Variants in ENPP3 observed in about 807,000 individuals in gnomAD.
The protein encoded by ENPP3 is ectonucleotide pyrophosphatase/phosphodiesterase 3.
ENPP3 carries 104 observed loss-of-function variants against 117.8 expected under a neutral mutation model. The observed-to-expected ratio is 0.88, with a 90% CI of 0.75 to 1.04. The LOEUF (loss-of-function observed/expected upper bound fraction) is 1.04, where lower values mean the gene tolerates loss of function less well. Ranked by LOEUF, ENPP3 falls within the 50% of genes least tolerant of loss-of-function variation. The probability of loss-of-function intolerance (pLI) is 0.00; values close to 1 mark genes in which losing one functional copy is unlikely to be tolerated. For missense variants in ENPP3, 1,026 were observed against 1,051.9 expected (o/e 0.98, Z 0.34); for synonymous variants, 380 against 349.9 (o/e 1.09, Z -0.96).
rs140907797 is a variant in ENPP3, at chr6:131,640,833, G to A, written c.79-622G>A. Among the ~76,000 whole-genome samples the A allele has an allele frequency of 3.1e-3, 472 of 152,192 alleles. 1 individual carries two copies. Among genetic ancestry groups the A allele is most frequent in the African/African-American group, 0.011 (443 of 41,532 alleles). On this transcript the variant is annotated intron_variant, in intron 1 of 24. Coordinates refer to ENST00000357639, the MANE Select transcript of ENPP3 (RefSeq NM_005021.5). ...TTAATCTAATCATAGCATAAAGTTC[G>A]TTACACCAAAGGGCTTTGTCAGCAG... is the stretch of plus-strand genomic sequence containing the variant.
intron 11 of ENPP3, among the ~76,000 whole-genome samples, chr6:131,682,848 A>C (rs541224471): frequency 9.8e-5 from 15 of 152,336 alleles, no homozygotes; most frequent in Non-Finnish European, 1.5e-4. Context: ...TGTAGGAAGT[A>C]TGATTTAGAT....
At chr6:131,743,702 G>C (rs1448916973) in intron 24 of ENPP3, among the ~76,000 whole-genome samples, 1 of 151,990 alleles carries the variant, frequency 6.6e-6, no homozygotes, top group African/African-American at 2.4e-5. Context: ...GTGCATGCCT[G>C]TCATCCCAGC....
At chr6:131,655,485 A>G (rs1169949660) in intron 5 of ENPP3, among the ~76,000 whole-genome samples, 1 of 152,236 alleles carries the variant, frequency 6.6e-6, no homozygotes, top group Non-Finnish European at 1.5e-5. Context: ...TCTGTGGCAT[A>G]ACACTCCCTC....
intron 5 of ENPP3, among the ~76,000 whole-genome samples, chr6:131,654,708 G>T (rs934843522): frequency 1.3e-5 from 2 of 151,978 alleles, no homozygotes; most frequent in African/African-American, 2.4e-5. Context: ...CTCCCAAAGT[G>T]CTGGGATTAC....
chr6:131,735,497 G>A (rs1272557824), intron 21 of ENPP3, among the ~76,000 whole-genome samples: 13 of 152,070 alleles, frequency 8.5e-5, no homozygotes, highest in Admixed American at 8.5e-4. Flanking sequence ...GTGCATGCCT[G>A]TAATCCCACC....
chr6:131,639,263 A>ATTTTT (rs71030752), intron 1 of ENPP3, among the ~76,000 whole-genome samples: 30 of 91,228 alleles, frequency 3.3e-4, no homozygotes, highest in African/African-American at 1.5e-3. Flanking sequence ...ATATATATAT[A>ATTTTT]TATTTTTTTT....
intron 14 of ENPP3, among the ~76,000 whole-genome samples, chr6:131,687,393 C>T (rs1458656365): frequency 1.3e-5 from 2 of 152,034 alleles, no homozygotes; most frequent in Non-Finnish European, 2.9e-5. Context: ...AATATAAGAC[C>T]TCAAACTATA....
chr6:131,688,706 T>A (rs116482542), intron 14 of ENPP3, among the ~76,000 whole-genome samples: 5,120 of 152,176 alleles, frequency 0.034, 271 homozygotes, highest in African/African-American at 0.12. Flanking sequence ...GGTGAGGAAG[T>A]TGCAGAAGAA....
intron 14 of ENPP3, among the ~76,000 whole-genome samples, chr6:131,690,702 G>A (rs935332925): frequency 2.0e-5 from 3 of 151,798 alleles, no homozygotes. Context: ...ATATAATCTG[G>A]GACCCACTGC....
At chr6:131,713,903 T>C (rs1164417114) in intron 15 of ENPP3, among the ~76,000 whole-genome samples, 1 of 150,462 alleles carries the variant, frequency 6.6e-6, no homozygotes, top group African/African-American at 2.4e-5. Context: ...CTCAGCTTCC[T>C]GAAGAGCTGG....
chr6:131,700,723 T>A, intron 15 of ENPP3: 2 of 1,555,580 alleles, frequency 1.3e-6, no homozygotes, highest in Non-Finnish European at 1.7e-6. Flanking sequence ...CTTGATTGGA[T>A]CTGAAGGATA....
At chr6:131,662,230 T>A (rs1308097874) in intron 6 of ENPP3, among the ~76,000 whole-genome samples, 3 of 152,088 alleles carry the variant, frequency 2.0e-5, no homozygotes, top group African/African-American at 7.2e-5. Context: ...TTTATTGATT[T>A]ATTTCTGAGA....
At chr6:131,734,210 G>A (rs907290531) in intron 21 of ENPP3, among the ~76,000 whole-genome samples, 8 of 152,126 alleles carry the variant, frequency 5.3e-5, no homozygotes, top group African/African-American at 1.7e-4. Context: ...TTGGCCTGTC[G>A]CTCATGCTGT....
In ENPP3 at chr6:131,652,903, T is replaced by C. The variant is rs778233576; in HGVS notation, c.464+12T>C. The C allele has an allele frequency of 1.9e-6, 3 of 1,587,652 alleles. No homozygotes were observed. The highest frequency in any genetic ancestry group is 2.6e-6 in the Non-Finnish European group (3 of 1,156,862). On this transcript the variant is annotated intron_variant, in intron 5 of 24. Transcript: ENST00000357639. ...CAGTGCCCAGAAGGGTGAGCATGAC[T>C]GATACAGGGATTTTTATCCTCCTTT... is the stretch of plus-strand genomic sequence containing the variant.
At position 131,737,401 on chromosome 6, in the gene ENPP3, C is replaced by A; in HGVS notation, c.2136C>A (p.Ser712Arg). The A allele has an allele frequency of 6.2e-7, 1 of 1,605,166 alleles. No individual in the cohort carries two copies. The highest frequency in any genetic ancestry group is 8.5e-7 in the Non-Finnish European group (1 of 1,173,182). ...GCCAATATGATGCTTTAATTACTAG[C>A]AATTTGGTACCTATGTATGAAGAAT... ...SDSQYDALIT[S>R]NLVPMYEEFR... Residue 712 changes from serine to arginine, a missense_variant, in exon 22 of 25, where the codon AGC (serine) becomes AGA (arginine). By Grantham distance (110) the Ser-to-Arg change is moderately radical. Coordinates refer to ENST00000357639, the MANE Select transcript of ENPP3 (RefSeq NM_005021.5).
chr6:131,726,387 A>G (rs908722673), intron 20 of ENPP3, among the ~76,000 whole-genome samples, 187 bp downstream of exon 20: 23 of 152,186 alleles, frequency 1.5e-4, no homozygotes, highest in Admixed American at 6.5e-5. Flanking sequence ...CAAAAGAGGA[A>G]CACATTGTGT....
intron 11 of ENPP3, 23 bp from the exon 12 acceptor site, chr6:131,683,031 C>G: frequency 1.4e-6 from 2 of 1,421,172 alleles, no homozygotes; most frequent in Non-Finnish European, 2.0e-6. Flanking sequence ...TTACGACAAT[C>G]TTAACTCCAA....
intron 6 of ENPP3, among the ~76,000 whole-genome samples, chr6:131,669,528 C>G (rs1778693164): frequency 6.6e-6 from 1 of 151,316 alleles, no homozygotes; most frequent in Non-Finnish European, 1.5e-5. Flanking sequence ...ACAAAAATTA[C>G]CTGGGCGTGG....
chr6:131,728,928 T>C (rs910953845), intron 20 of ENPP3, among the ~76,000 whole-genome samples: 5 of 152,220 alleles, frequency 3.3e-5, no homozygotes, highest in African/African-American at 9.6e-5. Context: ...TGCTAGGTGA[T>C]AAATTGAAAA....
Sources: gnomAD v4.1 joint callset for allele counts (sites outside exome capture counted in the v4.1 genomes callset) on GRCh38, gnomAD v4.1.1 for gene constraint, MANE v1.5 for transcripts, NCBI Gene and HGNC (gene_info 2026-07-23, HGNC 2026-07-21) for gene names.